The following CLEC16A variants were observed in gnomAD, a reference collection of about 807,000 sequenced individuals.
CLEC16A encodes C-type lectin domain containing 16A, also known as protein CLEC16A.
In CLEC16A, 51 loss-of-function variants were observed where a neutral mutation model predicts 109.5. That is an observed-to-expected ratio of 0.47 (90% CI 0.37 to 0.59). CLEC16A has a LOEUF of 0.59. CLEC16A is among the 20% of genes least tolerant of loss of function. The pLI is 0.00. For synonymous variants in CLEC16A, 673 were observed against 564.2 expected (o/e 1.19, Z -2.73); for missense variants, 1,339 against 1,394.0 (o/e 0.96, Z 0.63).
At chr16:10,986,730 A>AGTGTGGGT (rs200977014) in intron 10 of CLEC16A, among the ~76,000 whole-genome samples, 1 of 116,810 alleles carries the variant, frequency 8.6e-6, no homozygotes, top group Non-Finnish European at 1.6e-5. Context: ...TTTAAGGCTC[A>AGTGTGGGT]ATGTGTGTGT....
chr16:11,164,586 C>T (rs1430382638), intron 22 of CLEC16A, among the ~76,000 whole-genome samples: 1 of 152,188 alleles, frequency 6.6e-6, no homozygotes, highest in Non-Finnish European at 1.5e-5. Context: ...GGTGTCATCC[C>T]CTGCACCAGA....
At chr16:11,069,433 A>T (rs1325921520) in intron 19 of CLEC16A, among the ~76,000 whole-genome samples, 1 of 151,658 alleles carries the variant, frequency 6.6e-6, no homozygotes, top group African/African-American at 2.4e-5. Context: ...CTGGCCTATT[A>T]TTATTACTAT....
At chr16:11,099,820 C>T (rs546152258) in intron 19 of CLEC16A, among the ~76,000 whole-genome samples, 20 of 152,206 alleles carry the variant, frequency 1.3e-4, no homozygotes, top group Non-Finnish European at 2.8e-4. Flanking sequence ...TTTCATTCTT[C>T]CCTGCCTGGG....
intron 3 of CLEC16A, among the ~76,000 whole-genome samples, 171 bp downstream of exon 3, chr16:10,962,759 G>C (rs1468600302): frequency 6.6e-6 from 1 of 152,106 alleles, no homozygotes; most frequent in Non-Finnish European, 1.5e-5. Flanking sequence ...CTGTTCTGGA[G>C]CATTGAAGTC....
intron 22 of CLEC16A, among the ~76,000 whole-genome samples, chr16:11,146,670 T>G (rs1237094378): frequency 3.4e-5 from 5 of 148,512 alleles, no homozygotes; most frequent in African/African-American, 1.3e-4. Context: ...CCTGGATAGA[T>G]AGATGGACTG....
chr16:10,992,218 C>G (rs2044060723), intron 10 of CLEC16A, among the ~76,000 whole-genome samples: 1 of 152,132 alleles, frequency 6.6e-6, no homozygotes, highest in Non-Finnish European at 1.5e-5. Context: ...AGATCTCACT[C>G]CTCCTGTCTA....
rs1248399997 is a variant in CLEC16A at position 11,178,148 on chromosome 16, G to C, written c.2807-187G>C. ...CCTGCTGTATTTTCCCCAGGCCTAA[G>C]TCAGACTGGATTTTGCAGGTTCTGT... On this transcript the variant is annotated intron_variant, in intron 23 of 23. Coordinates refer to ENST00000409790, the MANE Select transcript of CLEC16A (RefSeq NM_015226.3). The surrounding 1 kb of genome is among the most constrained non-coding windows in gnomAD (Gnocchi z 6.5). Among the ~76,000 whole-genome samples the C allele has an allele frequency of 2.0e-5, 3 of 152,170 alleles. No individual in the cohort carries two copies. The highest frequency in any genetic ancestry group is 7.2e-5 in the African/African-American group (3 of 41,434).
chr16:11,167,703 A>G (rs2068329194), intron 23 of CLEC16A, among the ~76,000 whole-genome samples: 1 of 152,140 alleles, frequency 6.6e-6, no homozygotes, highest in Non-Finnish European at 1.5e-5. Context: ...CCAGGCAGGA[A>G]AGTCACCCCA....
chr16:11,053,392 G>T (rs1384435099), intron 18 of CLEC16A, among the ~76,000 whole-genome samples: 1 of 150,582 alleles, frequency 6.6e-6, no homozygotes, highest in African/African-American at 2.5e-5. Flanking sequence ...TTTTTAGACA[G>T]GGTCCTGCTC....
intron 22 of CLEC16A, chr16:11,156,512 C>G (rs550022205): frequency 2.0e-6 from 2 of 1,012,646 alleles, no homozygotes; most frequent in Non-Finnish European, 2.7e-6. Flanking sequence ...GGTCAGTGAG[C>G]GCCTGTGCCT....
intron 19 of CLEC16A, among the ~76,000 whole-genome samples, chr16:11,099,978 T>A (rs990116068): frequency 6.6e-6 from 1 of 151,558 alleles, no homozygotes; most frequent in Non-Finnish European, 1.5e-5. Flanking sequence ...ACCTGGGGTT[T>A]GGAGGCACGG....
chr16:10,988,628 C>T (rs921873165), intron 10 of CLEC16A, among the ~76,000 whole-genome samples: 1 of 152,182 alleles, frequency 6.6e-6, no homozygotes, highest in Non-Finnish European at 1.5e-5. Context: ...GCCTCAGTGG[C>T]TGGGTTTGCA....
chr16:11,017,273 T>C (rs957039845), intron 11 of CLEC16A, among the ~76,000 whole-genome samples: 25 of 152,184 alleles, frequency 1.6e-4, no homozygotes, highest in African/African-American at 6.0e-4. Flanking sequence ...GTGCCTACTC[T>C]GTGCCAGACA....
chr16:11,097,373 T>C (rs1464054029), intron 19 of CLEC16A, among the ~76,000 whole-genome samples: 1 of 152,260 alleles, frequency 6.6e-6, no homozygotes, highest in Non-Finnish European at 1.5e-5. Context: ...CAGGTTTCTT[T>C]CTCTGTGTTT....
Position 10,981,096 on chromosome 16 carries a change from C to T in CLEC16A, c.957+1714C>T, listed in dbSNP as rs7194395. Among the ~76,000 whole-genome samples the T allele has an allele frequency of 7.5e-3, 1,137 of 152,278 alleles. 20 individuals are homozygous for T. Among genetic ancestry groups the T allele is most frequent in the African/African-American group, 0.026 (1,088 of 41,552 alleles). On this transcript the variant is annotated intron_variant, in intron 9 of 23. Coordinates refer to ENST00000409790, the MANE Select transcript of CLEC16A (RefSeq NM_015226.3). The stretch of plus-strand genomic sequence containing the variant: ...CCTCCCTCTTTTTTGGGTTCAGAGC[C>T]AGGGAAATGAGCACTGTGTGTGTCC...
chr16:11,171,529 G>A (rs762744853), intron 23 of CLEC16A, among the ~76,000 whole-genome samples: 11 of 152,190 alleles, frequency 7.2e-5, no homozygotes, highest in Non-Finnish European at 1.6e-4. Context: ...GCATCTTGTC[G>A]CCCACACATC....
At chr16:10,971,815 G>A (rs1344865497) in intron 5 of CLEC16A, among the ~76,000 whole-genome samples, 1 of 152,204 alleles carries the variant, frequency 6.6e-6, no homozygotes, top group Non-Finnish European at 1.5e-5. Context: ...TTCCTGAACT[G>A]GAATTGCCCT....
At chr16:10,971,866 T>C (rs1003174705) in intron 5 of CLEC16A, among the ~76,000 whole-genome samples, 1 of 152,246 alleles carries the variant, frequency 6.6e-6, no homozygotes, top group African/African-American at 2.4e-5. Context: ...AATTCCTGGG[T>C]TATTTTCCCC....
chr16:10,959,728 A>G (rs2042167830), intron 2 of CLEC16A, among the ~76,000 whole-genome samples: 1 of 151,670 alleles, frequency 6.6e-6, no homozygotes, highest in Non-Finnish European at 1.5e-5. Context: ...TTGGAAATCA[A>G]AAAGACCCTT....
Sources: gnomAD v4.1 joint callset for allele counts (sites outside exome capture counted in the v4.1 genomes callset) on GRCh38, gnomAD v4.1.1 for gene constraint, Gnocchi (gnomAD v3.1) non-coding constraint, MANE v1.5 for transcripts, NCBI Gene and HGNC (gene_info 2026-07-23, HGNC 2026-07-21) for gene names.